The following RCAN2 variants were observed in gnomAD, a reference collection of about 807,000 sequenced individuals.
RCAN2 encodes calcipressin-2.
RCAN2 carries 9 observed loss-of-function variants against 23.6 expected under a neutral mutation model. The observed-to-expected ratio is 0.38, with a 90% CI of 0.23 to 0.67. RCAN2 has a LOEUF of 0.67. Among genes scored for constraint, RCAN2 ranks in the 30% least tolerant of loss-of-function variants. RCAN2 has a pLI of 0.51. For synonymous variants in RCAN2, 109 were observed against 115.7 expected (o/e 0.94, Z 0.37); for missense variants, 273 against 302.3 (o/e 0.90, Z 0.72).
At chr6:46,385,516 C>T (rs1159450137) in intron 2 of RCAN2, among the ~76,000 whole-genome samples, 1 of 152,058 alleles carries the variant, frequency 6.6e-6, no homozygotes, top group Non-Finnish European at 1.5e-5. Context: ...CGAAACTGGA[C>T]CCTTTTCTTA....
At position 46,393,268 on chromosome 6, in the gene RCAN2, T is replaced by C. The variant is rs190429127; in HGVS notation, c.225+63484A>G. ...GGGTTGGTGTCTATGCATTTAAAGC[T>C]GAGGCTAAAACTAACTATGGGCAAA... On this transcript the variant is annotated intron_variant, in intron 2 of 4. Coordinates refer to ENST00000371374, the MANE Select transcript of RCAN2 (RefSeq NM_001251974.2). Among the ~76,000 whole-genome samples, 9 of 152,320 alleles carry C rather than the reference T, an allele frequency of 5.9e-5. No homozygotes were observed. The East Asian group carries it at 1.4e-3, about 23-fold the overall frequency.
chr6:46,286,680 G>A (rs1322554074), intron 2 of RCAN2, among the ~76,000 whole-genome samples: 2 of 152,160 alleles, frequency 1.3e-5, no homozygotes, highest in African/African-American at 4.8e-5. Context: ...TCTGTGGACT[G>A]AAGAACAGAC....
intron 1 of RCAN2, among the ~76,000 whole-genome samples, chr6:46,486,841 A>C (rs2150450221): frequency 6.6e-6 from 1 of 152,338 alleles, no homozygotes; most frequent in South Asian, 2.1e-4. Context: ...TGTATTTGGA[A>C]GCATTTCTTT....
chr6:46,407,959 C>A (rs1766447689), intron 2 of RCAN2, among the ~76,000 whole-genome samples: 1 of 152,196 alleles, frequency 6.6e-6, no homozygotes. Flanking sequence ...TGCCATCCAG[C>A]ACTGAAATTG....
At chr6:46,469,801 C>T (rs1165944720) in intron 1 of RCAN2, among the ~76,000 whole-genome samples, 1 of 152,146 alleles carries the variant, frequency 6.6e-6, no homozygotes, top group Non-Finnish European at 1.5e-5. Flanking sequence ...GTAATTAGGT[C>T]AAAAGGGCTT....
chr6:46,446,371 T>C (rs942897534), intron 2 of RCAN2, among the ~76,000 whole-genome samples: 1 of 151,992 alleles, frequency 6.6e-6, no homozygotes, highest in Non-Finnish European at 1.5e-5. Context: ...CCTTTAGAAA[T>C]GGAGAGAAAA....
At chr6:46,331,271 G>A (rs542924618) in intron 2 of RCAN2, among the ~76,000 whole-genome samples, 156 of 151,722 alleles carry the variant, frequency 1.0e-3, no homozygotes, top group Non-Finnish European at 1.8e-3. Context: ...TCAGCCTCCA[G>A]AGTCACTGGG....
intron 1 of RCAN2, among the ~76,000 whole-genome samples, chr6:46,474,977 G>T (rs940458454): frequency 1.3e-5 from 2 of 152,206 alleles, no homozygotes; most frequent in African/African-American, 4.8e-5. Context: ...TCAGGAAGTT[G>T]CTGTATGCAT....
intron 2 of RCAN2, among the ~76,000 whole-genome samples, chr6:46,360,220 AGAGAC>A (rs1438137321): frequency 6.6e-6 from 1 of 152,108 alleles, no homozygotes; most frequent in African/African-American, 2.4e-5. Context: ...CAAGGTCTTA[AGAGAC>A]CTGGGTTTAA....
At position 46,485,159 on chromosome 6, in the gene RCAN2, T is replaced by C. The variant is rs145579630; in HGVS notation, c.-3+6014A>G. 3.0e-4 allele frequency among the ~76,000 whole-genome samples: 46 copies of C among 152,342 alleles called. 1 individual carries two copies. In the East Asian group the frequency reaches 8.7e-3, roughly 29 times the overall value. On this transcript the variant is annotated intron_variant, in intron 1 of 4. Transcript: ENST00000371374. ...CAAAGATGTTTATCAAGGTAGTATA[T>C]ATGATATCTTAAATAATTGGGAACA...
intron 2 of RCAN2, among the ~76,000 whole-genome samples, chr6:46,373,295 C>T (rs866023119): frequency 5.3e-5 from 8 of 152,070 alleles, no homozygotes; most frequent in Admixed American, 2.0e-4. Context: ...GACAGAGCCT[C>T]GCTCTGTTGC....
intron 2 of RCAN2, among the ~76,000 whole-genome samples, chr6:46,361,449 A>G (rs1424429137): frequency 6.6e-6 from 1 of 152,186 alleles, no homozygotes; most frequent in Admixed American, 6.5e-5. Flanking sequence ...AAAAAGAACT[A>G]GTTTGACTAT....
intron 2 of RCAN2, among the ~76,000 whole-genome samples, chr6:46,271,380 C>A (rs1767518876): frequency 6.6e-6 from 1 of 152,168 alleles, no homozygotes; most frequent in Non-Finnish European, 1.5e-5. Flanking sequence ...TTGGATGAAG[C>A]CCACACACGC....
chr6:46,314,403 A>T (rs1329734415), intron 2 of RCAN2, among the ~76,000 whole-genome samples: 1 of 151,640 alleles, frequency 6.6e-6, no homozygotes, highest in Non-Finnish European at 1.5e-5. Context: ...ACCACAAAAA[A>T]GATGTTTACT....
rs1163688360 is a variant in RCAN2, at chr6:46,258,751, TTTTAGTTTTC to T, written c.226-9865_226-9856del. Among the ~76,000 whole-genome samples, 17 of 152,296 alleles carry T rather than the reference TTTTAGTTTTC, an allele frequency of 1.1e-4. No individual in the cohort carries two copies. In the East Asian group the frequency reaches 2.7e-3, roughly 24 times the overall value. The stretch of plus-strand genomic sequence containing the variant: ...ATAACATTGCTATTCAAAAGTATAT[TTTTAGTTTTC>T]TTTAGTTAAGGAAATTTCCATTTCT... On this transcript the variant is annotated intron_variant, in intron 2 of 4. Coordinates refer to ENST00000371374, the MANE Select transcript of RCAN2 (RefSeq NM_001251974.2).
At chr6:46,434,328 C>T (rs144786071) in intron 2 of RCAN2, among the ~76,000 whole-genome samples, 15 of 152,160 alleles carry the variant, frequency 9.9e-5, no homozygotes, top group Admixed American at 8.5e-4. Context: ...AGAGTGGGTG[C>T]AGTAATGGTG....
intron 2 of RCAN2, among the ~76,000 whole-genome samples, chr6:46,360,979 T>C (rs1431797479): frequency 6.6e-6 from 1 of 152,232 alleles, no homozygotes; most frequent in East Asian, 1.9e-4. Context: ...AACTTGAGTA[T>C]TCAGAAAAAC....
At chr6:46,242,921 T>C (rs138484268) in intron 4 of RCAN2, among the ~76,000 whole-genome samples, 2 of 152,356 alleles carry the variant, frequency 1.3e-5, no homozygotes, top group East Asian at 3.8e-4. Flanking sequence ...ATCCACTATG[T>C]GCCAGGTAGT....
chr6:46,444,218 C>A (rs936203609), intron 2 of RCAN2, among the ~76,000 whole-genome samples: 1 of 152,122 alleles, frequency 6.6e-6, no homozygotes, highest in Admixed American at 6.5e-5. Flanking sequence ...GTGCACAGAG[C>A]AGTAACTATC....
Sources: allele counts gnomAD v4.1 joint callset (sites outside exome capture counted in the v4.1 genomes callset), GRCh38; gene constraint gnomAD v4.1.1; transcripts MANE v1.5; gene names NCBI Gene and HGNC (gene_info 2026-07-23, HGNC 2026-07-21).